The following PLA2G4A variants were observed in gnomAD, a reference collection of about 807,000 sequenced individuals.
PLA2G4A encodes cytosolic phospholipase A2.
Under a neutral mutation model 81.9 loss-of-function variants are expected in PLA2G4A, and 40 were observed. The observed-to-expected ratio is 0.49, with a 90% CI of 0.38 to 0.64. PLA2G4A has a LOEUF of 0.64. Among genes scored for constraint, PLA2G4A ranks in the 30% least tolerant of loss-of-function variants. The pLI is 0.00. For missense variants in PLA2G4A, 715 were observed against 905.1 expected, an observed-to-expected ratio of 0.79 and a Z score of 2.69; for synonymous variants, 302 against 296.9, an observed-to-expected ratio of 1.02 and a Z score of -0.18.
At chr1:186,949,920 C>T (rs1463392430) in intron 12 of PLA2G4A, among the ~76,000 whole-genome samples, 2 of 151,980 alleles carry the variant, frequency 1.3e-5, no homozygotes, top group African/African-American at 4.8e-5. Flanking sequence ...CCTATAATCC[C>T]AGCTACTCAG....
intron 13 of PLA2G4A, among the ~76,000 whole-genome samples, chr1:186,955,103 C>A (rs547708859): frequency 1.3e-5 from 2 of 152,224 alleles, no homozygotes; most frequent in African/African-American, 4.8e-5. Context: ...AATGACCATA[C>A]AATATAATTT....
At chr1:186,870,616 T>C (rs1306871221) in intron 3 of PLA2G4A, 100 bp downstream of exon 3, 10 of 1,158,502 alleles carry the variant, frequency 8.6e-6, no homozygotes, top group Middle Eastern at 3.8e-4. Context: ...CTTCTTCAAA[T>C]GTGGTTATGT....
intron 15 of PLA2G4A, among the ~76,000 whole-genome samples, chr1:186,975,931 CTTTTCTG>C (rs1657514190): frequency 6.6e-6 from 1 of 152,158 alleles, no homozygotes; most frequent in African/African-American, 2.4e-5. Flanking sequence ...ATCTATTTAT[CTTTTCTG>C]TTGATTTATA....
chr1:186,933,210 C>T (rs997484430), intron 8 of PLA2G4A, among the ~76,000 whole-genome samples: 1 of 151,930 alleles, frequency 6.6e-6, no homozygotes, highest in Non-Finnish European at 1.5e-5. Flanking sequence ...CATACTCCAC[C>T]CATAATTAAT....
chr1:186,876,349 A>C (rs1388728041), intron 3 of PLA2G4A, among the ~76,000 whole-genome samples: 1 of 152,056 alleles, frequency 6.6e-6, no homozygotes, highest in Non-Finnish European at 1.5e-5. Context: ...AAAAGTGAAC[A>C]CATCACCGTG....
chr1:186,906,168 A>C (rs973209700), intron 5 of PLA2G4A, among the ~76,000 whole-genome samples: 1 of 152,198 alleles, frequency 6.6e-6, no homozygotes, highest in Non-Finnish European at 1.5e-5. Context: ...GCATTTTCTC[A>C]TTTGGTTCTT....
At chr1:186,956,592 G>A (rs1304951569) in intron 14 of PLA2G4A, among the ~76,000 whole-genome samples, 4 of 152,020 alleles carry the variant, frequency 2.6e-5, no homozygotes, top group South Asian at 2.1e-4. Flanking sequence ...ATGGCTCACC[G>A]CATCCTTAAT....
intron 15 of PLA2G4A, among the ~76,000 whole-genome samples, chr1:186,972,487 A>G (rs1235469341): frequency 6.6e-6 from 1 of 152,172 alleles, no homozygotes; most frequent in Non-Finnish European, 1.5e-5. Flanking sequence ...CAAGAAAGCA[A>G]GGAATATAGA....
chr1:186,950,787 G>C (rs1656533161), intron 13 of PLA2G4A, 59 bp downstream of exon 13: 1 of 897,414 alleles, frequency 1.1e-6, no homozygotes, highest in African/African-American at 1.6e-5. Context: ...TGAACACTCT[G>C]TCTGATTTTC....
chr1:186,961,261 G>T (rs1472043854), intron 14 of PLA2G4A, among the ~76,000 whole-genome samples: 2 of 152,074 alleles, frequency 1.3e-5, no homozygotes, highest in Non-Finnish European at 2.9e-5. Context: ...AGGAATAAGT[G>T]CTGGGTATCT....
At chr1:186,906,282 A>G (rs1398846680) in intron 5 of PLA2G4A, among the ~76,000 whole-genome samples, 2 of 152,194 alleles carry the variant, frequency 1.3e-5, no homozygotes, top group Non-Finnish European at 2.9e-5. Flanking sequence ...AACTCTTAAT[A>G]TCTTAAGTGG....
chr1:186,934,663 A>G (rs1655878865), intron 8 of PLA2G4A, among the ~76,000 whole-genome samples: 1 of 151,852 alleles, frequency 6.6e-6, no homozygotes, highest in Non-Finnish European at 1.5e-5. Flanking sequence ...ACTCCTTGTA[A>G]TAAATTTTCA....
chr1:186,962,491 TTTATTTATTTATTTA>T (rs771627919), intron 14 of PLA2G4A, among the ~76,000 whole-genome samples: 16 of 63,454 alleles, frequency 2.5e-4, no homozygotes, highest in Admixed American at 5.5e-4. Flanking sequence ...TTTTATTTTA[TTTATTTATTTATTTA>T]TTTATTTATT....
intron 13 of PLA2G4A, among the ~76,000 whole-genome samples, chr1:186,953,340 A>G (rs955530883): frequency 6.6e-6 from 1 of 152,150 alleles, no homozygotes; most frequent in Admixed American, 6.5e-5. Context: ...ATCTTCTCAT[A>G]TGCTTATCTG....
intron 12 of PLA2G4A, among the ~76,000 whole-genome samples, chr1:186,948,827 C>T (rs1018050985): frequency 6.6e-6 from 1 of 152,050 alleles, no homozygotes; most frequent in Admixed American, 6.6e-5. Context: ...TATGTGTGAT[C>T]CGCCAGTCAG....
intron 5 of PLA2G4A, among the ~76,000 whole-genome samples, chr1:186,899,754 A>C (rs978955590): frequency 3.2e-4 from 49 of 152,304 alleles, no homozygotes; most frequent in African/African-American, 1.1e-3. Context: ...CAATGTTAAC[A>C]GGTAGAGATA....
At chr1:186,868,023 C>T (rs2102054089) in intron 2 of PLA2G4A, among the ~76,000 whole-genome samples, 1 of 150,440 alleles carries the variant, frequency 6.6e-6, no homozygotes, top group South Asian at 2.1e-4. Flanking sequence ...AATGCTGAAC[C>T]AGCCTTGTGT....
At chr1:186,858,546 T>G (rs1652677618) in intron 2 of PLA2G4A, among the ~76,000 whole-genome samples, 1 of 152,166 alleles carries the variant, frequency 6.6e-6, no homozygotes, top group Non-Finnish European at 1.5e-5. Context: ...TCTCCCATTC[T>G]GTAGGTTGCC....
chr1:186,953,355 C>T (rs974063630), intron 13 of PLA2G4A, among the ~76,000 whole-genome samples: 1 of 152,180 alleles, frequency 6.6e-6, no homozygotes, highest in Admixed American at 6.5e-5. Flanking sequence ...TATCTGCTAT[C>T]TGTATATCGT....
Sources: allele counts gnomAD v4.1 joint callset (sites outside exome capture counted in the v4.1 genomes callset), GRCh38; gene constraint gnomAD v4.1.1; transcripts MANE v1.5; gene names NCBI Gene and HGNC (gene_info 2026-07-23, HGNC 2026-07-21).